The following PBX1 variants were observed in gnomAD, a reference collection of about 807,000 sequenced individuals.
PBX1 encodes the protein pre-B-cell leukemia transcription factor 1.
A neutral mutation model predicts 53.4 loss-of-function variants in PBX1; 6 were observed. The observed-to-expected ratio is 0.11, with a 90% CI of 0.06 to 0.22. The LOEUF is 0.22. PBX1 is among the 10% of genes least tolerant of loss of function. PBX1 has a pLI of 1.00. For missense variants in PBX1, 251 were observed against 551.4 expected (o/e 0.46, Z 5.46); for synonymous variants, 204 against 212.3 (o/e 0.96, Z 0.34).
chr1:164,677,497 G>A (rs1266507339), intron 2 of PBX1, among the ~76,000 whole-genome samples: 1 of 152,088 alleles, frequency 6.6e-6, no homozygotes, highest in Non-Finnish European at 1.5e-5. Flanking sequence ...TGCCTTAGGG[G>A]AACTTCTAGT....
intron 2 of PBX1, among the ~76,000 whole-genome samples, chr1:164,707,418 T>TGTGAGA (rs58617739): frequency 3.6e-4 from 42 of 118,264 alleles, no homozygotes; most frequent in African/African-American, 1.6e-3. Flanking sequence ...TGTGTGTGTG[T>TGTGAGA]GAGAGAGAGA....
intron 2 of PBX1, among the ~76,000 whole-genome samples, chr1:164,691,467 T>C (rs1686191): frequency 0.5 from 75,322 of 151,962 alleles, 18,906 homozygotes; most frequent in East Asian, 0.66. Flanking sequence ...ATTTTAACTG[T>C]GTTTTAGAGT....
At chr1:164,640,278 G>A (rs1659039102) in intron 2 of PBX1, among the ~76,000 whole-genome samples, 1 of 152,132 alleles carries the variant, frequency 6.6e-6, no homozygotes, top group African/African-American at 2.4e-5. Context: ...TCCAAATGGG[G>A]GAAGGCCTTG....
chr1:164,782,709 G>A (rs1029329125), intron 2 of PBX1, among the ~76,000 whole-genome samples: 1 of 152,182 alleles, frequency 6.6e-6, no homozygotes, highest in African/African-American at 2.4e-5. Context: ...GATATGGGCC[G>A]GAAAATGCCA....
chr1:164,582,891 A>C (rs1249373955), intron 2 of PBX1, among the ~76,000 whole-genome samples: 1 of 152,120 alleles, frequency 6.6e-6, no homozygotes, highest in Non-Finnish European at 1.5e-5. Context: ...CTCTTGTTAG[A>C]CTCAGAATTT....
chr1:164,808,104 T>A (rs1408341561), intron 5 of PBX1, among the ~76,000 whole-genome samples: 1 of 152,210 alleles, frequency 6.6e-6, no homozygotes, highest in African/African-American at 2.4e-5. Context: ...TTATATAGCC[T>A]TTTAAATGAA....
chr1:164,797,230 A>T (rs1267260145), intron 3 of PBX1, among the ~76,000 whole-genome samples: 1 of 152,228 alleles, frequency 6.6e-6, no homozygotes, highest in Non-Finnish European at 1.5e-5. Flanking sequence ...CATTATTATT[A>T]GCTGAGCACT....
intron 2 of PBX1, among the ~76,000 whole-genome samples, chr1:164,665,906 A>G (rs945515500): frequency 6.6e-6 from 1 of 152,120 alleles, no homozygotes; most frequent in South Asian, 2.1e-4. Context: ...GCTTGTACCT[A>G]GTTGCAAGGG....
chr1:164,809,279 C>T (rs1266905109), intron 5 of PBX1, among the ~76,000 whole-genome samples: 1 of 152,152 alleles, frequency 6.6e-6, no homozygotes, highest in Non-Finnish European at 1.5e-5. Flanking sequence ...TCTGTTCCCG[C>T]AACCTTCACT....
chr1:164,766,737 TA>T (rs34077078), intron 2 of PBX1, among the ~76,000 whole-genome samples: 40,041 of 121,798 alleles, frequency 0.33, 6,782 homozygotes, highest in South Asian at 0.43. Flanking sequence ...TTTATTTATT[TA>T]TTTTTTTTTT....
chr1:164,676,224 C>T (rs887965314), intron 2 of PBX1, among the ~76,000 whole-genome samples: 14 of 152,082 alleles, frequency 9.2e-5, no homozygotes, highest in African/African-American at 3.4e-4. Context: ...TTTGCCCAGA[C>T]CAAGTGCCTG....
chr1:164,643,619 C>CTTTA (rs888897251), intron 2 of PBX1, among the ~76,000 whole-genome samples: 14 of 152,128 alleles, frequency 9.2e-5, no homozygotes, highest in African/African-American at 1.4e-4. Flanking sequence ...AATACCTTGG[C>CTTTA]TTTATTTATT....
chr1:164,786,940 T>TC (rs1466365195), intron 2 of PBX1, among the ~76,000 whole-genome samples: 1 of 152,156 alleles, frequency 6.6e-6, no homozygotes. Context: ...GAACATTACT[T>TC]CATGTTTTGT....
chr1:164,852,478 C>CT (rs1671880146), downstream of PBX1, among the ~76,000 whole-genome samples: 1 of 152,154 alleles, frequency 6.6e-6, no homozygotes, highest in South Asian at 2.1e-4. Flanking sequence ...ACCAGGCCTC[C>CT]ACACCTAAGT....
chr1:164,636,647 G>A (rs962171015), intron 2 of PBX1, among the ~76,000 whole-genome samples: 1 of 152,134 alleles, frequency 6.6e-6, no homozygotes, highest in African/African-American at 2.4e-5. Flanking sequence ...AGCTTGAGAA[G>A]GAGACAGAAA....
chr1:164,695,700 G>A (rs547261433), intron 2 of PBX1, among the ~76,000 whole-genome samples: 242 of 152,294 alleles, frequency 1.6e-3, no homozygotes, highest in Non-Finnish European at 2.6e-3. Flanking sequence ...TTTAGTACAT[G>A]GCTGAACATA....
chr1:164,641,611 A>G (rs1659152260), intron 2 of PBX1: 1 of 152,218 alleles, frequency 6.6e-6, no homozygotes, highest in Admixed American at 6.5e-5. Flanking sequence ...TTCACTACAG[A>G]GGCAGTTAAT....
At chr1:164,828,104 C>G (rs140971450) in intron 8 of PBX1, among the ~76,000 whole-genome samples, 1 of 152,278 alleles carries the variant, frequency 6.6e-6, no homozygotes, top group Non-Finnish European at 1.5e-5. Context: ...AAAGTACCAA[C>G]CCCAACCAAA....
chr1:164,609,992 C>T (rs1656800282), intron 2 of PBX1, among the ~76,000 whole-genome samples: 1 of 152,156 alleles, frequency 6.6e-6, no homozygotes, highest in Non-Finnish European at 1.5e-5. Context: ...GTCACAGAAC[C>T]CCCAAGACCG....
Sources: allele counts gnomAD v4.1 joint callset (sites outside exome capture counted in the v4.1 genomes callset), GRCh38; gene constraint gnomAD v4.1.1; transcripts MANE v1.5; gene names NCBI Gene and HGNC (gene_info 2026-07-23, HGNC 2026-07-21).